SPHKAP: variants seen among roughly 807,000 people sequenced by gnomAD.
SPHKAP encodes SPHK1 interactor, AKAP domain containing, also known as A-kinase anchor protein SPHKAP.
In SPHKAP, 67 loss-of-function variants were observed where a neutral mutation model predicts 137.5. That is an observed-to-expected ratio of 0.49 (90% CI 0.40 to 0.60). SPHKAP has a LOEUF of 0.60. Among genes scored for constraint, SPHKAP ranks in the 20% least tolerant of loss-of-function variants. The pLI is 0.00. For missense variants in SPHKAP, 2,097 were observed against 2,069.3 expected, an observed-to-expected ratio of 1.01 and a Z score of -0.26; for synonymous variants, 813 against 785.3, an observed-to-expected ratio of 1.04 and a Z score of -0.59.
chr2:228,151,787 TTTG>T (rs2106400070), intron 1 of SPHKAP, among the ~76,000 whole-genome samples: 1 of 152,264 alleles, frequency 6.6e-6, no homozygotes, highest in South Asian at 2.1e-4. Context: ...TTGGAGTTAT[TTTG>T]TTGTTTTTAA....
intron 3 of SPHKAP, among the ~76,000 whole-genome samples, chr2:228,093,859 CAAAAAAAAAAAAAA>C (rs11336381): frequency 1.2e-4 from 9 of 77,110 alleles, no homozygotes; most frequent in East Asian, 4.1e-4. Flanking sequence ...GACTCCGTTT[CAAAAAAAAAAAAAA>C]AAAAAAAAAA....
chr2:227,989,465 T>C (rs1693331575), intron 11 of SPHKAP, among the ~76,000 whole-genome samples: 1 of 152,162 alleles, frequency 6.6e-6, no homozygotes, highest in Non-Finnish European at 1.5e-5. Context: ...CCTAAAACAG[T>C]ACTCAAGGTT....
intron 7 of SPHKAP, among the ~76,000 whole-genome samples, chr2:228,003,262 C>T (rs1206817425): frequency 6.6e-6 from 1 of 152,094 alleles, no homozygotes; most frequent in African/African-American, 2.4e-5. Flanking sequence ...GTTTGTAGTT[C>T]TCCTTGAAGA....
chr2:228,168,993 C>T (rs1028420180), intron 1 of SPHKAP, among the ~76,000 whole-genome samples: 5 of 152,142 alleles, frequency 3.3e-5, no homozygotes, highest in African/African-American at 9.7e-5. Context: ...CACAACATTC[C>T]CTTAAGGCAA....
At chr2:228,011,467 T>C (rs1181862046) in intron 7 of SPHKAP, among the ~76,000 whole-genome samples, 1 of 152,244 alleles carries the variant, frequency 6.6e-6, no homozygotes, top group African/African-American at 2.4e-5. Context: ...ATTTACTACC[T>C]TTTCAAATTC....
At chr2:228,102,801 G>T (rs1174911487) in intron 3 of SPHKAP, among the ~76,000 whole-genome samples, 1 of 152,052 alleles carries the variant, frequency 6.6e-6, no homozygotes, top group East Asian at 1.9e-4. Flanking sequence ...GGAGTGCAAT[G>T]GTGTGATTAT....
chr2:227,981,518 G>A lies in SPHKAP; in HGVS notation c.*199C>T, dbSNP rs1222775239. 2 of 479,968 alleles carry A rather than the reference G, an allele frequency of 4.2e-6. No homozygotes were observed. Among genetic ancestry groups the A allele is most frequent in the East Asian group, 3.8e-5 (1 of 26,066 alleles). 29.7% of individuals were successfully genotyped at this position (479,968 alleles called of 1,614,324 possible). A position where few individuals can be genotyped will look rare whatever the true frequency, so the allele number is the denominator to read the frequency against. On this transcript the variant is annotated 3_prime_UTR_variant, in exon 12 of 12. Coordinates refer to ENST00000392056, the MANE Select transcript of SPHKAP (RefSeq NM_001142644.2). ...CAAGCTCTTTGGAACTCACCCACAA[G>A]TTGTATGAATTTGGACAGACCTATA...
intron 11 of SPHKAP, among the ~76,000 whole-genome samples, chr2:227,989,545 A>G (rs1174621161): frequency 6.6e-6 from 1 of 152,146 alleles, no homozygotes. Context: ...CTTATATGGC[A>G]AAAAGGATTT....
At chr2:228,032,410 G>A (rs1695371230) in intron 3 of SPHKAP, among the ~76,000 whole-genome samples, 2 of 152,332 alleles carry the variant, frequency 1.3e-5, no homozygotes, top group East Asian at 1.9e-4. Context: ...TCTGATTGCT[G>A]TACCTGAAAC....
chr2:228,093,917 A>C (rs1697900477), intron 3 of SPHKAP, among the ~76,000 whole-genome samples: 1 of 148,584 alleles, frequency 6.7e-6, no homozygotes, highest in Non-Finnish European at 1.5e-5. Context: ...GTAGATTAGC[A>C]GTTGCCTAGG....
intron 3 of SPHKAP, among the ~76,000 whole-genome samples, chr2:228,065,708 C>T (rs1158964223): frequency 6.6e-6 from 1 of 152,152 alleles, no homozygotes; most frequent in East Asian, 1.9e-4. Flanking sequence ...CTCCAGCCAG[C>T]ACCATTTATT....
chr2:228,090,876 T>C (rs532256714), intron 3 of SPHKAP, among the ~76,000 whole-genome samples: 1 of 152,330 alleles, frequency 6.6e-6, no homozygotes, highest in African/African-American at 2.4e-5. Flanking sequence ...GCCAGCACCA[T>C]GCTTCCTATT....
rs749183046 is a variant in SPHKAP at position 228,018,854 on chromosome 2, A to T, written c.2000T>A (p.Leu667Gln). The T allele has an allele frequency of 9.3e-6, 15 of 1,614,106 alleles. No individual in the cohort carries two copies. Among genetic ancestry groups the T allele is most frequent in the Non-Finnish European group, 1.3e-5 (15 of 1,180,044 alleles). ...GATAACATTGGACAGGGTATGTGCCAGTTCATTCCTGACGACATTTTCTGA... is the reference window on the plus strand; with the variant it reads ...GATAACATTGGACAGGGTATGTGCCTGTTCATTCCTGACGACATTTTCTGA... ...LCSENVVRNE[L>Q]AHTLSNVILR... The change falls in exon 7 of 12, where the codon CTG becomes CAG. Residue 667 changes from leucine to glutamine, a missense_variant. Coordinates refer to ENST00000392056, the MANE Select transcript of SPHKAP (RefSeq NM_001142644.2).
intron 1 of SPHKAP, among the ~76,000 whole-genome samples, chr2:228,138,147 C>T (rs4246655): frequency 0.34 from 52,174 of 151,942 alleles, 9,229 homozygotes; most frequent in East Asian, 0.51. Context: ...CTTCCTCATC[C>T]GCCCACTTTT....
chr2:228,012,487 C>G (rs1574744229), intron 7 of SPHKAP, among the ~76,000 whole-genome samples: 1 of 152,132 alleles, frequency 6.6e-6, no homozygotes, highest in Admixed American at 6.5e-5. Flanking sequence ...TGCCAACATC[C>G]TATCTAAGTA....
intron 1 of SPHKAP, among the ~76,000 whole-genome samples, chr2:228,166,332 G>T (rs1268472460): frequency 6.6e-6 from 1 of 152,156 alleles, no homozygotes; most frequent in African/African-American, 2.4e-5. Flanking sequence ...TATTTTGAAA[G>T]AGAAATGCCC....
At chr2:228,050,069 GC>G (rs1168328896) in intron 3 of SPHKAP, among the ~76,000 whole-genome samples, 1 of 152,034 alleles carries the variant, frequency 6.6e-6, no homozygotes, top group African/African-American at 2.4e-5. Context: ...CGTACAAGTG[GC>G]CCACAAACAT....
rs540393169 is a variant in SPHKAP, at chr2:228,089,943, A to G, written c.246+18889T>C. 2.6e-4 allele frequency among the ~76,000 whole-genome samples: 40 copies of G among 152,336 alleles called. No individual in the cohort carries two copies. In the South Asian group the frequency reaches 8.1e-3, roughly 31 times the overall value. On this transcript the variant is annotated intron_variant, in intron 3 of 11. Transcript: ENST00000392056. ...AGAAGGCCTTACCAGAAGCACCCAG[A>G]GAAACTCTACTTGTGAAGTGCTGAA...
At chr2:228,037,490 A>C (rs1695668019) in intron 3 of SPHKAP, among the ~76,000 whole-genome samples, 1 of 151,878 alleles carries the variant, frequency 6.6e-6, no homozygotes, top group Non-Finnish European at 1.5e-5. Context: ...TTGAGTTACC[A>C]CTCTTGATGG....
Sources: gnomAD v4.1 joint callset for allele counts (sites outside exome capture counted in the v4.1 genomes callset) on GRCh38, gnomAD v4.1.1 for gene constraint, MANE v1.5 for transcripts, NCBI Gene and HGNC (gene_info 2026-07-23, HGNC 2026-07-21) for gene names.